PAICS: variants seen among roughly 807,000 people sequenced by gnomAD.
PAICS encodes bifunctional phosphoribosylaminoimidazole carboxylase/phosphoribosylaminoimidazole succinocarboxamide synthetase.
A neutral mutation model predicts 53.7 loss-of-function variants in PAICS; 33 were observed. That is an observed-to-expected ratio of 0.61 (90% CI 0.47 to 0.82). The LOEUF (loss-of-function observed/expected upper bound fraction) is 0.82, where lower values mean the gene tolerates loss of function less well. Ranked by LOEUF, PAICS falls within the 40% of genes least tolerant of loss-of-function variation. PAICS has a pLI of 0.00. For missense variants in PAICS, 394 were observed against 494.1 expected, an observed-to-expected ratio of 0.80 and a Z score of 1.92; for synonymous variants, 141 against 167.2, an observed-to-expected ratio of 0.84 and a Z score of 1.21.
intron 8 of PAICS, among the ~76,000 whole-genome samples, chr4:56,456,408 G>A (rs1719207557): frequency 6.6e-6 from 1 of 151,928 alleles, no homozygotes. Context: ...TTGGATACAG[G>A]TGTTTTTTGT....
At chr4:56,411,109 T>C in the PAICS span, among the ~76,000 whole-genome samples, 4 of 152,178 alleles carry the variant, frequency 2.6e-5, no homozygotes, top group East Asian at 5.8e-4. Context: ...ATTACCACTT[T>C]AAAAAAATCT....
intron 8 of PAICS, among the ~76,000 whole-genome samples, chr4:56,456,767 T>TTTG (rs940737484): frequency 5.3e-5 from 8 of 151,946 alleles, no homozygotes; most frequent in Non-Finnish European, 7.4e-5. Flanking sequence ...TTTCTGGGTT[T>TTTG]TTGTTGTTGT....
At chr4:56,442,356 T>A (rs990922582) in intron 2 of PAICS, among the ~76,000 whole-genome samples, 6 of 152,186 alleles carry the variant, frequency 3.9e-5, no homozygotes, top group Admixed American at 3.9e-4. Flanking sequence ...AAGTGAGATA[T>A]TTGAACTAAA....
rs976039056 is a variant in PAICS, at chr4:56,436,268, G to T, written c.-45G>T. 9.5e-6 allele frequency: 15 copies of T among 1,583,320 alleles called. No individual in the cohort carries two copies. The Admixed American group carries it at 1.6e-4, about 17-fold the overall frequency. On this transcript the variant is annotated 5_prime_UTR_variant, in exon 1 of 9. Transcript: ENST00000512576. Reference sequence around the variant, plus strand: ...GACCACCCCTCTTTTCTAGAGTTCTGCCTCGCTTCCCGGCGCGGTCGCAGC... The same window carrying T: ...GACCACCCCTCTTTTCTAGAGTTCTTCCTCGCTTCCCGGCGCGGTCGCAGC...
the PAICS span, chr4:56,423,219 A>C: frequency 6.6e-6 from 1 of 152,252 alleles, no homozygotes; most frequent in Non-Finnish European, 1.5e-5. Flanking sequence ...CAAACTAGTT[A>C]ATCAAATTTC....
chr4:56,448,651 A>G, intron 4 of PAICS, 54 bp downstream of exon 4: 1 of 1,515,196 alleles, frequency 6.6e-7, no homozygotes, highest in East Asian at 2.3e-5. Context: ...TAAAGGTTAT[A>G]GTTGAGAGAT....
At chr4:56,432,169 C>CA (rs1196245326), upstream of PAICS, among the ~76,000 whole-genome samples, 1 of 152,138 alleles carries the variant, frequency 6.6e-6, no homozygotes, top group Non-Finnish European at 1.5e-5. Flanking sequence ...ATACCCAAGA[C>CA]AAAAAACTGG....
At chr4:56,436,356 C>T in intron 1 of PAICS, 28 bp downstream of exon 1, 7 of 1,518,132 alleles carry the variant, frequency 4.6e-6, no homozygotes, top group Non-Finnish European at 6.4e-6. Flanking sequence ...GGGCCCTTCA[C>T]GGTCTCCCTG....
chr4:56,451,375 T>C (rs1718910085), intron 6 of PAICS, among the ~76,000 whole-genome samples: 1 of 152,196 alleles, frequency 6.6e-6, no homozygotes, highest in Admixed American at 6.5e-5. Flanking sequence ...TTAAGTTTTA[T>C]GGTATTACTA....
rs769560440 is a variant in PAICS, at chr4:56,453,589, T to A, written c.953-14T>A. The A allele has an allele frequency of 5.1e-6, 8 of 1,570,816 alleles. No individual in the cohort carries two copies. In the South Asian group the frequency reaches 9.2e-5, roughly 18 times the overall value. On this transcript the variant is annotated splice_polypyrimidine_tract_variant and intron_variant, in intron 7 of 8. Coordinates refer to ENST00000512576, the MANE Select transcript of PAICS (RefSeq NM_001079524.2). ...TGAATGTTTAGCATAATTATACTCTTGTCATTTCCCTAGGGGATGGCATTC... is the reference window on the plus strand; with the variant it reads ...TGAATGTTTAGCATAATTATACTCTAGTCATTTCCCTAGGGGATGGCATTC...
intron 1 of PAICS, among the ~76,000 whole-genome samples, chr4:56,439,169 G>A (rs577560739): frequency 1.2e-4 from 19 of 152,088 alleles, no homozygotes; most frequent in Non-Finnish European, 2.4e-4. Context: ...TACAAACTTT[G>A]CCCGGGCTTA....
At chr4:56,449,987 AAG>A (rs1718823140) in intron 5 of PAICS, among the ~76,000 whole-genome samples, 1 of 151,626 alleles carries the variant, frequency 6.6e-6, no homozygotes, top group Non-Finnish European at 1.5e-5. Context: ...AAAAAAAAAA[AAG>A]AAAGAAAAAG....
chr4:56,458,663 CAAAG>C (rs1215201648), intron 8 of PAICS, among the ~76,000 whole-genome samples: 1 of 152,104 alleles, frequency 6.6e-6, no homozygotes, highest in Non-Finnish European at 1.5e-5. Flanking sequence ...TAATGGGAGT[CAAAG>C]AGCCTGATGA....
the PAICS span, among the ~76,000 whole-genome samples, chr4:56,427,373 G>A: frequency 6.6e-6 from 1 of 152,194 alleles, no homozygotes; most frequent in Non-Finnish European, 1.5e-5. Flanking sequence ...ATATGTAGGA[G>A]TGGAATTGCT....
In PAICS at chr4:56,463,827, T is replaced by C. The variant is rs1485087260; in HGVS notation, c.*4289T>C. 6.6e-6 allele frequency: 1 copy of C among 152,172 alleles called. No individual in the cohort carries two copies. Among genetic ancestry groups the C allele is most frequent in the Non-Finnish European group, 1.5e-5 (1 of 68,034 alleles). 9.4% of individuals were successfully genotyped at this position (152,172 alleles called of 1,614,324 possible). ...CTAGGCTACGGGATGCCTTGATAGC[T>C]GGTCAAACAACATTTCTAGGTACAT... On this transcript the variant is annotated 3_prime_UTR_variant, in exon 9 of 9. Coordinates refer to ENST00000512576, the MANE Select transcript of PAICS (RefSeq NM_001079524.2).
intron 1 of PAICS, among the ~76,000 whole-genome samples, chr4:56,438,680 C>G (rs1718178938): frequency 6.6e-6 from 1 of 152,036 alleles, no homozygotes; most frequent in Non-Finnish European, 1.5e-5. Context: ...CTCAAGTGAT[C>G]TGCCTGTCTC....
upstream of PAICS, among the ~76,000 whole-genome samples, chr4:56,434,120 G>A (rs1201023475): frequency 6.6e-6 from 1 of 151,958 alleles, no homozygotes; most frequent in African/African-American, 2.4e-5. Context: ...AATCTATTAT[G>A]GTCAACCCAC....
chr4:56,442,949 G>T (rs1433614285), intron 2 of PAICS, among the ~76,000 whole-genome samples: 1 of 152,106 alleles, frequency 6.6e-6, no homozygotes, highest in Non-Finnish European at 1.5e-5. Flanking sequence ...AGATTTAATT[G>T]CAAACCTGGA....
chr4:56,424,194 G>A, the PAICS span, among the ~76,000 whole-genome samples: 2 of 152,164 alleles, frequency 1.3e-5, no homozygotes, highest in Non-Finnish European at 2.9e-5. Context: ...TATCTTAAAT[G>A]TATGCTATAA....
Sources: gnomAD v4.1 joint callset for allele counts (sites outside exome capture counted in the v4.1 genomes callset) on GRCh38, gnomAD v4.1.1 for gene constraint, MANE v1.5 for transcripts, NCBI Gene and HGNC (gene_info 2026-07-23, HGNC 2026-07-21) for gene names.